HEATR5A: variants seen among roughly 807,000 people sequenced by gnomAD.
HEATR5A encodes the protein HEAT repeat containing 5A, also known as HEAT repeat-containing protein 5A.
In HEATR5A, 178 loss-of-function variants were observed where a neutral mutation model predicts 218.8. That is an observed-to-expected ratio of 0.81 (90% CI 0.72 to 0.92). The LOEUF is 0.92. HEATR5A is among the 40% of genes least tolerant of loss of function. The pLI is 0.00. For missense variants in HEATR5A, 2,420 were observed against 2,418.9 expected, an observed-to-expected ratio of 1.00 and a Z score of -0.01; for synonymous variants, 864 against 871.6, an observed-to-expected ratio of 0.99 and a Z score of 0.15.
chr14:31,327,041 C>T (rs1900291640), intron 22 of HEATR5A, among the ~76,000 whole-genome samples: 1 of 151,736 alleles, frequency 6.6e-6, no homozygotes, highest in African/African-American at 2.4e-5. Flanking sequence ...GTGGTGCAAT[C>T]TCGGCTCACT....
rs1210936562 is a variant in HEATR5A at position 31,356,264 on chromosome 14, T to C, written c.2411+2373A>G. 3.9e-5 allele frequency among the ~76,000 whole-genome samples: 6 copies of C among 152,190 alleles called. No individual in the cohort carries two copies. The East Asian group carries it at 1.2e-3, about 29-fold the overall frequency. On this transcript the variant is annotated intron_variant, in intron 16 of 35. Transcript: ENST00000543095. The stretch of plus-strand genomic sequence containing the variant: ...TTATAAATATATTTTTGAGACAGTG[T>C]CTTGCTCTGTTGCTAAGGCTGGAGT...
At chr14:31,318,390 G>A (rs1431748835) in intron 25 of HEATR5A, 98 bp from the exon 26 acceptor site, 2 of 944,394 alleles carry the variant, frequency 2.1e-6, no homozygotes, top group Non-Finnish European at 1.7e-6. Flanking sequence ...ATTTATAACA[G>A]GTATTATGGA....
intron 22 of HEATR5A, among the ~76,000 whole-genome samples, chr14:31,327,867 C>A (rs577139547): frequency 2.0e-5 from 3 of 152,152 alleles, no homozygotes; most frequent in Non-Finnish European, 4.4e-5. Context: ...GCCAAAAGGA[C>A]AAATACATTT....
At chr14:31,376,631 G>A (rs980163721) in intron 11 of HEATR5A, among the ~76,000 whole-genome samples, 1 of 152,126 alleles carries the variant, frequency 6.6e-6, no homozygotes, top group Non-Finnish European at 1.5e-5. Flanking sequence ...TTTTTCATAT[G>A]GCATCAGATA....
chr14:31,347,424 C>T (rs1901060244), intron 19 of HEATR5A, among the ~76,000 whole-genome samples: 1 of 152,138 alleles, frequency 6.6e-6, no homozygotes, highest in Non-Finnish European at 1.5e-5. Flanking sequence ...GTTGCCCAGA[C>T]TGGTCTTGAA....
chr14:31,309,071 A>G lies in HEATR5A; in HGVS notation c.4553T>C (p.Val1518Ala), dbSNP rs777512543. Reference sequence around the variant, plus strand: ...TGCTCCTTCATCTGGGTCAGCAACAACAAAACCCGTGCTTGTAAGCCACAA... The same window carrying G: ...TGCTCCTTCATCTGGGTCAGCAACAGCAAAACCCGTGCTTGTAAGCCACAA... Reference protein sequence around the residue: ...TALWLTSTGFVVADPDEGASN... With the variant: ...TALWLTSTGFAVADPDEGASN... The change falls in exon 29 of 36, where the codon GTT becomes GCT. Residue 1518 changes from valine (V) to alanine (A), a missense_variant. Val to Ala is a moderately conservative substitution (Grantham distance 64). Coordinates refer to ENST00000543095, the MANE Select transcript of HEATR5A (RefSeq NM_015473.4). 17 of 1,613,894 alleles carry G rather than the reference A, an allele frequency of 1.1e-5. No homozygotes were observed. The African/African-American group carries it at 1.1e-4, about 10-fold the overall frequency.
chr14:31,386,699 T>A, intron 8 of HEATR5A, 124 bp from the exon 9 acceptor site: 1 of 773,662 alleles, frequency 1.3e-6, no homozygotes, highest in Non-Finnish European at 2.0e-6. Flanking sequence ...ATGAAATACT[T>A]GAGGCAATAA....
intron 25 of HEATR5A, 110 bp downstream of exon 25, chr14:31,321,389 G>A (rs572244465): frequency 6.9e-5 from 52 of 751,748 alleles, no homozygotes; most frequent in Admixed American, 1.6e-4. Flanking sequence ...CTACCTACCC[G>A]CCTTGGCCTC....
At position 31,293,292 on chromosome 14, in the gene HEATR5A, T is replaced by C; in HGVS notation, c.*13A>G. The C allele has an allele frequency of 6.4e-7, 1 of 1,559,286 alleles. No individual in the cohort carries two copies. On this transcript the variant is annotated 3_prime_UTR_variant, in exon 36 of 36. Coordinates refer to ENST00000543095, the MANE Select transcript of HEATR5A (RefSeq NM_015473.4). ...TTTATTATATTAAGGTGCTTACTAT[T>C]CCAAAAAAAAAATCAGAGGAAACTG...
chr14:31,409,706 C>A (rs2031209276), intron 1 of HEATR5A, among the ~76,000 whole-genome samples: 2 of 152,094 alleles, frequency 1.3e-5, no homozygotes, highest in South Asian at 4.1e-4. Context: ...CAAACAAAAC[C>A]AACCATATTA....
chr14:31,403,468 C>G (rs1006938704), intron 1 of HEATR5A, among the ~76,000 whole-genome samples: 12 of 152,202 alleles, frequency 7.9e-5, no homozygotes, highest in Non-Finnish European at 1.8e-4. Flanking sequence ...AGCTTGCCAT[C>G]TCTCTGAGCC....
chr14:31,419,687 A>G (rs1231335332), intron 1 of HEATR5A, among the ~76,000 whole-genome samples: 2 of 152,234 alleles, frequency 1.3e-5, no homozygotes, highest in East Asian at 3.8e-4. Context: ...CTGACTTGAC[A>G]GTCAAGAAAA....
chr14:31,337,854 A>G (rs143906774), intron 21 of HEATR5A, among the ~76,000 whole-genome samples: 1 of 152,338 alleles, frequency 6.6e-6, no homozygotes, highest in Non-Finnish European at 1.5e-5. Context: ...AAATCTAACA[A>G]AAGTCTTTTG....
At chr14:31,367,016 G>A (rs1374554875) in intron 13 of HEATR5A, among the ~76,000 whole-genome samples, 3 of 152,148 alleles carry the variant, frequency 2.0e-5, no homozygotes, top group Non-Finnish European at 2.9e-5. Flanking sequence ...TCAAATGGCA[G>A]TTATCTAATA....
intron 1 of HEATR5A, among the ~76,000 whole-genome samples, chr14:31,410,749 C>T (rs1203005675): frequency 6.6e-6 from 1 of 152,124 alleles, no homozygotes; most frequent in Non-Finnish European, 1.5e-5. Context: ...TCAATTCCAT[C>T]TTTGAATCTG....
chr14:31,381,194 G>A (rs1330537516), intron 10 of HEATR5A, among the ~76,000 whole-genome samples: 3 of 152,164 alleles, frequency 2.0e-5, no homozygotes, highest in Non-Finnish European at 4.4e-5. Flanking sequence ...GTTGTAGTGA[G>A]CTGAGATTAT....
In HEATR5A at chr14:31,403,017, T is replaced by A; in HGVS notation, c.-42A>T. 6.6e-7 allele frequency: 1 copy of A among 1,522,632 alleles called. No homozygotes were observed. Among genetic ancestry groups the A allele is most frequent in the Non-Finnish European group, 8.8e-7 (1 of 1,138,612 alleles). 94.3% of individuals were successfully genotyped at this position (1,522,632 alleles called of 1,614,324 possible). ...CCCAGCTGATCACAGTTCTTCTCGT[T>A]AAACTTTGGTCAATATACCTAACAA... On this transcript the variant is annotated 5_prime_UTR_variant, in exon 2 of 36. Coordinates refer to ENST00000543095, the MANE Select transcript of HEATR5A (RefSeq NM_015473.4).
chr14:31,309,459 GATTC>G lies in HEATR5A; in HGVS notation c.4442-281_4442-278del, dbSNP rs1216109183. On this transcript the variant is annotated intron_variant, in intron 28 of 35. Coordinates refer to ENST00000543095, the MANE Select transcript of HEATR5A (RefSeq NM_015473.4). ...AAAATAACCTAACAACATTTTTAGA[GATTC>G]ATTCATGCTGCTGTGTTATCAGTAT... Among the ~76,000 whole-genome samples, 4 of 152,216 alleles carry G rather than the reference GATTC, an allele frequency of 2.6e-5. No homozygotes were observed. In the East Asian group the frequency reaches 7.7e-4, roughly 29 times the overall value.
rs778656292 is a variant in HEATR5A, at chr14:31,304,894, C to G, written c.5239+11G>C. 3.7e-6 allele frequency: 6 copies of G among 1,612,778 alleles called. No individual in the cohort carries two copies. The Admixed American group carries it at 1.0e-4, about 27-fold the overall frequency. Reference sequence around the variant, plus strand: ...CTAGGTCAAGTCAAGCAATCACATACCACAGCATACCTTCAGGAGAGCACA... The same window carrying G: ...CTAGGTCAAGTCAAGCAATCACATAGCACAGCATACCTTCAGGAGAGCACA... On this transcript the variant is annotated intron_variant, in intron 32 of 35. Transcript: ENST00000543095.
Sources: allele counts gnomAD v4.1 joint callset (sites outside exome capture counted in the v4.1 genomes callset), GRCh38; gene constraint gnomAD v4.1.1; transcripts MANE v1.5; gene names NCBI Gene and HGNC (gene_info 2026-07-23, HGNC 2026-07-21).